Variants in PPIG observed in about 807,000 individuals in gnomAD.
PPIG encodes the protein peptidylprolyl isomerase G.
A neutral mutation model predicts 87.9 loss-of-function variants in PPIG; 26 were observed. The observed-to-expected ratio is 0.30, with a 90% CI of 0.22 to 0.41. The LOEUF is 0.41. Ranked by LOEUF, PPIG falls within the 10% of genes least tolerant of loss-of-function variation. PPIG has a pLI of 1.00. For synonymous variants in PPIG, 308 were observed against 276.5 expected (o/e 1.11, Z -1.13); for missense variants, 722 against 879.4 (o/e 0.82, Z 2.26).
intron 1 of PPIG, among the ~76,000 whole-genome samples, chr2:169,591,511 T>A (rs1010410685): frequency 2.0e-5 from 3 of 152,148 alleles, no homozygotes; most frequent in African/African-American, 7.2e-5. Context: ...GTATGATTAA[T>A]TTTTTTCAGT....
In PPIG at chr2:169,637,697, G is replaced by C. The variant is rs1221522127; in HGVS notation, c.*174G>C. 1 of 644,354 alleles carries C rather than the reference G, an allele frequency of 1.6e-6. No homozygotes were observed. Among genetic ancestry groups the C allele is most frequent in the African/African-American group, 1.9e-5 (1 of 53,596 alleles). 39.9% of individuals were successfully genotyped at this position (644,354 alleles called of 1,614,324 possible). ...TGATTTTTTGATAATCTGCAATCTG[G>C]ATAATTTGTACTGCTAAAGTTTTAA... is the stretch of plus-strand genomic sequence containing the variant. On this transcript the variant is annotated 3_prime_UTR_variant, in exon 14 of 14. Transcript: ENST00000260970.
At chr2:169,617,650 T>G (rs956736931) in intron 9 of PPIG, among the ~76,000 whole-genome samples, 1 of 152,328 alleles carries the variant, frequency 6.6e-6, no homozygotes, top group South Asian at 2.1e-4. Flanking sequence ...ATGATTTGAC[T>G]CTCTGTCTGT....
chr2:169,598,296 T>C (rs1685077846), intron 1 of PPIG, among the ~76,000 whole-genome samples: 2 of 152,082 alleles, frequency 1.3e-5, no homozygotes, highest in Non-Finnish European at 2.9e-5. Context: ...TTATTTTCTT[T>C]TTCTTTTTTT....
chr2:169,616,031 A>G (rs7369046), intron 9 of PPIG, among the ~76,000 whole-genome samples: 90,591 of 151,860 alleles, frequency 0.6, 27,658 homozygotes, highest in African/African-American at 0.73. Flanking sequence ...CTGGTGTGTG[A>G]TGTTCCTCTC....
chr2:169,597,154 T>C (rs1269341894), intron 1 of PPIG, among the ~76,000 whole-genome samples: 1 of 152,172 alleles, frequency 6.6e-6, no homozygotes, highest in East Asian at 1.9e-4. Flanking sequence ...GAGTGGGATA[T>C]GTTATAATAA....
intron 9 of PPIG, among the ~76,000 whole-genome samples, chr2:169,623,247 C>G (rs955887009): frequency 1.3e-5 from 2 of 152,164 alleles, no homozygotes; most frequent in African/African-American, 2.4e-5. Flanking sequence ...AGACCAGTAC[C>G]TTGATTAAGA....
intron 9 of PPIG, among the ~76,000 whole-genome samples, chr2:169,626,596 G>T (rs556419950): frequency 6.6e-6 from 1 of 152,134 alleles, no homozygotes; most frequent in Non-Finnish European, 1.5e-5. Context: ...CACCATGTGG[G>T]CCAGGCTGGT....
At chr2:169,608,615 GA>G (rs1559180763) in intron 6 of PPIG, 55 bp from the exon 7 acceptor site, 4 of 1,160,476 alleles carry the variant, frequency 3.4e-6, no homozygotes, top group Non-Finnish European at 5.1e-6. Flanking sequence ...AAGTGAAGAT[GA>G]AATTTTTTTG....
At chr2:169,616,605 G>A (rs973445638) in intron 9 of PPIG, among the ~76,000 whole-genome samples, 4 of 152,144 alleles carry the variant, frequency 2.6e-5, no homozygotes, top group Admixed American at 1.3e-4. Flanking sequence ...GTGATGATGA[G>A]CTTTTTTCTT....
chr2:169,597,855 C>CTTGTTTGT (rs56851989), intron 1 of PPIG, among the ~76,000 whole-genome samples: 500 of 150,828 alleles, frequency 3.3e-3, no homozygotes, highest in African/African-American at 9.5e-3. Flanking sequence ...CTGTACCTTG[C>CTTGTTTGT]TTGTTTGTTT....
chr2:169,587,026 T>G (rs1046162837), intron 1 of PPIG, among the ~76,000 whole-genome samples: 1 of 151,190 alleles, frequency 6.6e-6, no homozygotes, highest in Non-Finnish European at 1.5e-5. Context: ...CTCCACCTCC[T>G]GAGCTCAAGG....
chr2:169,632,356 T>G (rs7596218), intron 11 of PPIG, among the ~76,000 whole-genome samples: 46,130 of 152,106 alleles, frequency 0.3, 7,438 homozygotes, highest in African/African-American at 0.38. Context: ...TAATAAAAAT[T>G]GATGTCATGT....
At chr2:169,603,987 A>G (rs1238788327) in intron 2 of PPIG, 39 bp from the exon 3 acceptor site, 4 of 1,501,966 alleles carry the variant, frequency 2.7e-6, no homozygotes, top group Non-Finnish European at 2.8e-6. Flanking sequence ...GATCTTTGCT[A>G]TTTTAGTCTG....
Position 169,641,054 on chromosome 2 carries a change from TTCTTCC to T in PPIG, c.*3532_*3537del, listed in dbSNP as rs1686300073. The T allele has an allele frequency of 6.6e-6, 1 of 152,208 alleles. No homozygotes were observed. Among genetic ancestry groups the T allele is most frequent in the Non-Finnish European group, 1.5e-5 (1 of 68,040 alleles). 9.4% of individuals were successfully genotyped at this position (152,208 alleles called of 1,614,324 possible). A position where few individuals can be genotyped will look rare whatever the true frequency, so the allele number is the denominator to read the frequency against. On this transcript the variant is annotated 3_prime_UTR_variant, in exon 14 of 14. Transcript: ENST00000260970. Reference sequence around the variant, plus strand: ...TTACCAAAAGCACATGCTGTATATTTTCTTCCCCTTTTGTGTGTATATAGTATTTTG... The same window carrying T: ...TTACCAAAAGCACATGCTGTATATTTCCTTTTGTGTGTATATAGTATTTTG...
intron 2 of PPIG, 145 bp from the exon 3 acceptor site, chr2:169,603,877 TAATC>T: frequency 1.6e-6 from 1 of 639,276 alleles, no homozygotes; most frequent in Non-Finnish European, 2.7e-6. Context: ...AAAGCACTAA[TAATC>T]CATGTGATTT....
chr2:169,620,032 A>G lies in PPIG; in HGVS notation c.547+5308A>G, dbSNP rs117047528. Among the ~76,000 whole-genome samples, 51 of 152,118 alleles carry G rather than the reference A, an allele frequency of 3.4e-4. No homozygotes were observed. The East Asian group carries it at 7.7e-3, about 23-fold the overall frequency. ...TATTTTCTCCCATTCCAGAGGTTGT[A>G]TCTTCACTCTGTTGATTGTTTCTTT... On this transcript the variant is annotated intron_variant, in intron 9 of 13. Transcript: ENST00000260970.
chr2:169,610,711 TCCCTTTCTTACA>T (rs994779479), intron 7 of PPIG, among the ~76,000 whole-genome samples: 1 of 152,176 alleles, frequency 6.6e-6, no homozygotes, highest in African/African-American at 2.4e-5. Flanking sequence ...TTTCTCACTT[TCCCTTTCTTACA>T]CCGTAGATGG....
intron 9 of PPIG, among the ~76,000 whole-genome samples, chr2:169,616,368 T>A (rs1159352842): frequency 2.0e-5 from 3 of 152,236 alleles, no homozygotes; most frequent in Non-Finnish European, 4.4e-5. Flanking sequence ...TACCTAGTAA[T>A]GGGATTGCTG....
intron 6 of PPIG, among the ~76,000 whole-genome samples, 197 bp downstream of exon 6, chr2:169,607,345 A>G (rs1027024418): frequency 2.6e-5 from 4 of 152,124 alleles, no homozygotes; most frequent in African/African-American, 9.6e-5. Flanking sequence ...GGACATTTTT[A>G]CAACATGATT....
Sources: allele counts gnomAD v4.1 joint callset (sites outside exome capture counted in the v4.1 genomes callset), GRCh38; gene constraint gnomAD v4.1.1; transcripts MANE v1.5; gene names NCBI Gene and HGNC (gene_info 2026-07-23, HGNC 2026-07-21).